The following DYNC2I1 variants were observed in gnomAD, a reference collection of about 807,000 sequenced individuals.
The protein encoded by DYNC2I1 is dynein 2 intermediate chain 1.
DYNC2I1 carries 89 observed loss-of-function variants against 133.4 expected under a neutral mutation model. The ratio of observed to expected loss-of-function variants is 0.67; its 90% CI spans 0.56 to 0.80. The LOEUF is 0.80. Ranked by LOEUF, DYNC2I1 falls within the 30% of genes least tolerant of loss-of-function variation. The pLI is 0.00. For missense variants in DYNC2I1, 1,291 were observed against 1,314.5 expected (o/e 0.98, Z 0.28); for synonymous variants, 504 against 484.3 (o/e 1.04, Z -0.54).
At chr7:158,898,116 C>G (rs1034452947) in intron 8 of DYNC2I1, among the ~76,000 whole-genome samples, 1 of 152,154 alleles carries the variant, frequency 6.6e-6, no homozygotes, top group African/African-American at 2.4e-5. Flanking sequence ...TGTATAATTT[C>G]CATTCTTTAA....
intron 7 of DYNC2I1, among the ~76,000 whole-genome samples, chr7:158,889,080 C>CT (rs369814666): frequency 0.016 from 2,051 of 126,040 alleles, 34 homozygotes; most frequent in Non-Finnish European, 0.025. Context: ...TCCTGTTTTT[C>CT]TTTTTTTTTT....
At position 158,926,999 on chromosome 7, in the gene DYNC2I1, T is replaced by G. The variant is rs1373584164; in HGVS notation, c.2441T>G (p.Val814Gly). 2 of 1,603,072 alleles carry G rather than the reference T, an allele frequency of 1.2e-6. No homozygotes were observed. ...TCAATATTCTGTTTTTAGGTGGTTGTTGAATTACCAAAGGCAGACATCGCA... is the reference window on the plus strand; with the variant it reads ...TCAATATTCTGTTTTTAGGTGGTTGGTGAATTACCAAAGGCAGACATCGCA... ...ESGVLNVWVVVELPKADIAGS... is the reference protein window; with the variant it reads ...ESGVLNVWVVGELPKADIAGS... Residue 814 changes from valine (V) to glycine (G), a missense_variant, in exon 20 of 25, where the codon GTT (valine) becomes GGT (glycine). Transcript: ENST00000407559.
At chr7:158,922,081 C>T (rs1342548829) in intron 15 of DYNC2I1, among the ~76,000 whole-genome samples, 2 of 152,164 alleles carry the variant, frequency 1.3e-5, no homozygotes, top group East Asian at 1.9e-4. Context: ...TCTGAGATCC[C>T]GACTCCCGGC....
downstream of DYNC2I1, chr7:158,946,194 C>G (rs1851865113): frequency 6.5e-6 from 1 of 154,660 alleles, no homozygotes; most frequent in Admixed American, 6.5e-5. Context: ...CCGAAATGAC[C>G]TCTGCCAATA....
Position 158,897,544 on chromosome 7 carries a change from A to G in DYNC2I1, c.1060-4195A>G, listed in dbSNP as rs886365637. ...TTATGGGCATAGAGCTGTTCATGGT[A>G]TTACTTGATTATCCTTTTAATGTCA... On this transcript the variant is annotated intron_variant, in intron 8 of 24. Transcript: ENST00000407559. Among the ~76,000 whole-genome samples the G allele has an allele frequency of 2.6e-5, 4 of 152,156 alleles. No individual in the cohort carries two copies. In the East Asian group the frequency reaches 7.7e-4, roughly 29 times the overall value.
chr7:158,922,824 C>A (rs1449654116), intron 16 of DYNC2I1, among the ~76,000 whole-genome samples: 1 of 152,174 alleles, frequency 6.6e-6, no homozygotes, highest in Middle Eastern at 3.2e-3. Flanking sequence ...TGGTTGTAGG[C>A]TGAATGAAAA....
chr7:158,950,604 A>G (rs1207503870), downstream of DYNC2I1, among the ~76,000 whole-genome samples: 3 of 75,994 alleles, frequency 3.9e-5, no homozygotes. Context: ...GGTGTTCTAT[A>G]TGATTCCAGG....
chr7:158,912,278 C>T (rs1316021733), intron 12 of DYNC2I1, among the ~76,000 whole-genome samples: 2 of 152,184 alleles, frequency 1.3e-5, no homozygotes, highest in Non-Finnish European at 2.9e-5. Flanking sequence ...TCTCACTTCA[C>T]AACAAGGTTC....
In DYNC2I1 at chr7:158,879,792, C is replaced by T. The variant is rs752596216; in HGVS notation, c.682C>T (p.Arg228Ter). 14 of 1,611,126 alleles carry T rather than the reference C, an allele frequency of 8.7e-6. No individual in the cohort carries two copies. The Middle Eastern group carries it at 4.9e-4, about 57-fold the overall frequency. The change falls in exon 5 of 25, where the codon CGA (arginine) becomes TGA (stop). Residue 228 changes from arginine to a stop codon, truncating the protein, a stop_gained. Coordinates refer to ENST00000407559, the MANE Select transcript of DYNC2I1 (RefSeq NM_018051.5). LOFTEE classifies it high-confidence loss of function. ...PREPDRDNKH[R>*]EKSSTREKRE... ...AGAGCCAGATCGAGACAACAAACAC[C>T]GAGAAAAAAGCAGCACAAGGGAAAA...
At chr7:158,937,998 A>G (rs1850939805) in intron 23 of DYNC2I1, among the ~76,000 whole-genome samples, 1 of 152,204 alleles carries the variant, frequency 6.6e-6, no homozygotes, top group Non-Finnish European at 1.5e-5. Context: ...AAAAGACCAA[A>G]TCTAAGAATT....
At position 158,923,734 on chromosome 7, in the gene DYNC2I1, G is replaced by T; in HGVS notation, c.2257+1G>T. 6 of 1,604,680 alleles carry T rather than the reference G, an allele frequency of 3.7e-6. No individual in the cohort carries two copies. Among genetic ancestry groups the T allele is most frequent in the Non-Finnish European group, 5.1e-6 (6 of 1,173,442 alleles). On this transcript the variant is annotated splice_donor_variant, in intron 17 of 24. Transcript: ENST00000407559. LOFTEE classifies it high-confidence loss of function. The stretch of plus-strand genomic sequence containing the variant: ...TTCCGGACCGCCACGTTTTCCACCG[G>T]TCAGTGTCATCTGCCTGCCAATTGT...
rs1851831716 is a variant in DYNC2I1 at position 158,945,785 on chromosome 7, G to A, written c.*6G>A. 3 of 1,536,216 alleles carry A rather than the reference G, an allele frequency of 2.0e-6. No individual in the cohort carries two copies. The highest frequency in any genetic ancestry group is 2.6e-6 in the Non-Finnish European group (3 of 1,142,730). On this transcript the variant is annotated 3_prime_UTR_variant, in exon 25 of 25. Transcript: ENST00000407559. The surrounding 1 kb of genome is among the most constrained non-coding windows in gnomAD (Gnocchi z 4.1). ...AGGGAAAACTGCACAAGTAGCGGGT[G>A]TGGCTGAGAGGACCGCGTTTCTGTA... is the stretch of plus-strand genomic sequence containing the variant.
At position 158,932,321 on chromosome 7, in the gene DYNC2I1, A is replaced by G. The variant is rs577240639; in HGVS notation, c.2546+1806A>G. ...TGCAGTGGGGACATCTTGAGGAGGC[A>G]AAGACTGAGCCAGGCCTTTGAGGTG... On this transcript the variant is annotated intron_variant, in intron 21 of 24. Coordinates refer to ENST00000407559, the MANE Select transcript of DYNC2I1 (RefSeq NM_018051.5). Among the ~76,000 whole-genome samples, 5 of 152,314 alleles carry G rather than the reference A, an allele frequency of 3.3e-5. No homozygotes were observed. In the South Asian group the frequency reaches 1.0e-3, roughly 32 times the overall value.
chr7:158,897,135 C>T (rs1216210828), intron 8 of DYNC2I1, among the ~76,000 whole-genome samples: 3 of 151,808 alleles, frequency 2.0e-5, no homozygotes, highest in Non-Finnish European at 2.9e-5. Flanking sequence ...AGGTGCCTGC[C>T]GCCATGCCCA....
chr7:158,865,439 C>G (rs749145537), intron 1 of DYNC2I1, among the ~76,000 whole-genome samples: 2 of 152,180 alleles, frequency 1.3e-5, no homozygotes, highest in African/African-American at 2.4e-5. Context: ...TGATGTAAAT[C>G]GAGCATAAAT....
chr7:158,889,316 A>C (rs947411937), intron 7 of DYNC2I1, among the ~76,000 whole-genome samples: 2 of 151,062 alleles, frequency 1.3e-5, no homozygotes, highest in African/African-American at 2.4e-5. Flanking sequence ...TCCTGACCTC[A>C]TGATCCACCT....
At chr7:158,845,808 G>T in the DYNC2I1 span, among the ~76,000 whole-genome samples, 5 of 152,006 alleles carry the variant, frequency 3.3e-5, no homozygotes, top group Non-Finnish European at 7.4e-5. Flanking sequence ...AAACAAACTT[G>T]TCATATAATT....
chr7:158,858,571 A>G (rs1397416486), intron 1 of DYNC2I1, among the ~76,000 whole-genome samples: 2 of 152,168 alleles, frequency 1.3e-5, no homozygotes, highest in Non-Finnish European at 2.9e-5. Flanking sequence ...TTTAAACCTT[A>G]TGATGTCTTC....
At chr7:158,938,438 C>T (rs1358304635) in intron 23 of DYNC2I1, among the ~76,000 whole-genome samples, 1 of 152,168 alleles carries the variant, frequency 6.6e-6, no homozygotes, top group Non-Finnish European at 1.5e-5. Flanking sequence ...AGAGAATTCA[C>T]CATCCTCAGA....
Sources: gnomAD v4.1 joint callset for allele counts (sites outside exome capture counted in the v4.1 genomes callset) on GRCh38, gnomAD v4.1.1 for gene constraint, Gnocchi (gnomAD v3.1) non-coding constraint, MANE v1.5 for transcripts, NCBI Gene and HGNC (gene_info 2026-07-23, HGNC 2026-07-21) for gene names.